Variants in FAM168A observed in about 807,000 individuals in gnomAD.
FAM168A encodes family with sequence similarity 168 member A.
Under a neutral mutation model 28.5 loss-of-function variants are expected in FAM168A, and 3 were observed. The ratio of observed to expected loss-of-function variants is 0.11; its 90% CI spans 0.05 to 0.27. FAM168A has a LOEUF of 0.27. Among genes scored for constraint, FAM168A ranks in the 10% least tolerant of loss-of-function variants. FAM168A has a pLI of 1.00. For missense variants in FAM168A, 222 were observed against 311.5 expected (o/e 0.71, Z 2.16); for synonymous variants, 122 against 124.2 (o/e 0.98, Z 0.12).
At chr11:73,437,185 C>A (rs1867104341) in intron 2 of FAM168A, among the ~76,000 whole-genome samples, 1 of 151,990 alleles carries the variant, frequency 6.6e-6, no homozygotes, top group Admixed American at 6.6e-5. Flanking sequence ...GCAACCTCCG[C>A]CTCCTGGGTT....
intron 2 of FAM168A, among the ~76,000 whole-genome samples, chr11:73,435,447 A>G (rs527916577): frequency 6.6e-6 from 1 of 152,316 alleles, no homozygotes; most frequent in African/African-American, 2.4e-5. Flanking sequence ...TTCCAAGTGG[A>G]ATTATTTTTA....
At chr11:73,560,942 T>C (rs1018537960) in intron 1 of FAM168A, among the ~76,000 whole-genome samples, 13 of 151,824 alleles carry the variant, frequency 8.6e-5, no homozygotes, top group Non-Finnish European at 1.5e-5. Flanking sequence ...ACACCTGTAG[T>C]TGCAGCTACT....
At position 73,436,665 on chromosome 11, in the gene FAM168A, T is replaced by A. The variant is rs561408658; in HGVS notation, c.71-5895A>T. Among the ~76,000 whole-genome samples the A allele has an allele frequency of 7.6e-4, 116 of 152,308 alleles. 1 individual carries two copies. The Middle Eastern group carries it at 0.024, about 31-fold the overall frequency. On this transcript the variant is annotated intron_variant, in intron 2 of 7. Coordinates refer to ENST00000356467, the MANE Select transcript of FAM168A (RefSeq NM_015159.3). ...CTCTACCCAAAGTCAACAAAATATA[T>A]TACTAGTTCCATTTTAGAGAGAGGA...
chr11:73,462,851 A>G (rs769285455), intron 2 of FAM168A, among the ~76,000 whole-genome samples: 8 of 151,270 alleles, frequency 5.3e-5, no homozygotes, highest in Non-Finnish European at 8.8e-5. Flanking sequence ...ATAGAGAGAG[A>G]CTCCAAGTCA....
chr11:73,429,408 T>A (rs72970034), intron 3 of FAM168A, among the ~76,000 whole-genome samples: 2 of 152,330 alleles, frequency 1.3e-5, no homozygotes, highest in Non-Finnish European at 2.9e-5. Context: ...TCTAATTCTA[T>A]AATGATAAGT....
At chr11:73,469,507 T>C (rs1867784029) in intron 1 of FAM168A, among the ~76,000 whole-genome samples, 1 of 152,202 alleles carries the variant, frequency 6.6e-6, no homozygotes, top group Non-Finnish European at 1.5e-5. Context: ...AACTGCTCTG[T>C]GATTAGTCTG....
intron 1 of FAM168A, among the ~76,000 whole-genome samples, chr11:73,477,122 C>T (rs1347815305): frequency 6.6e-6 from 1 of 152,018 alleles, no homozygotes; most frequent in East Asian, 1.9e-4. Context: ...GAACACAAAA[C>T]TAAATACCAC....
intron 1 of FAM168A, among the ~76,000 whole-genome samples, chr11:73,594,980 C>T (rs1283262587): frequency 1.3e-5 from 2 of 152,118 alleles, no homozygotes; most frequent in African/African-American, 4.8e-5. Flanking sequence ...CTCTTCTCAC[C>T]AAGATATCGG....
intron 1 of FAM168A, among the ~76,000 whole-genome samples, chr11:73,478,503 T>C (rs905025021): frequency 4.6e-5 from 7 of 151,994 alleles, no homozygotes; most frequent in Non-Finnish European, 8.8e-5. Context: ...AGAGATTTCT[T>C]TGGTGTGGAA....
intron 1 of FAM168A, among the ~76,000 whole-genome samples, chr11:73,497,618 A>T (rs1336555778): frequency 6.6e-6 from 1 of 152,214 alleles, no homozygotes; most frequent in African/African-American, 2.4e-5. Context: ...CTAGGTCTCT[A>T]GAAGAAAAAG....
chr11:73,564,611 C>T (rs548018310), intron 1 of FAM168A, among the ~76,000 whole-genome samples: 3 of 151,734 alleles, frequency 2.0e-5, no homozygotes, highest in East Asian at 1.9e-4. Context: ...GGCATGGTGT[C>T]GGGCGCCCGT....
At chr11:73,584,770 C>T (rs1184507657) in intron 1 of FAM168A, among the ~76,000 whole-genome samples, 2 of 152,144 alleles carry the variant, frequency 1.3e-5, no homozygotes, top group Admixed American at 6.5e-5. Context: ...AGCCACCATG[C>T]CCAGTCCACT....
chr11:73,491,017 T>C (rs888383822), intron 1 of FAM168A, among the ~76,000 whole-genome samples: 1 of 152,208 alleles, frequency 6.6e-6, no homozygotes, highest in Non-Finnish European at 1.5e-5. Flanking sequence ...ACACAGATTA[T>C]ACATAATGAA....
intron 2 of FAM168A, among the ~76,000 whole-genome samples, chr11:73,436,950 A>G (rs1867097383): frequency 6.6e-6 from 1 of 152,206 alleles, no homozygotes; most frequent in African/African-American, 2.4e-5. Context: ...CTCAGTGGAA[A>G]GGTCATGGTT....
intron 1 of FAM168A, among the ~76,000 whole-genome samples, chr11:73,583,867 T>C (rs755362290): frequency 5.3e-5 from 8 of 152,130 alleles, no homozygotes; most frequent in Non-Finnish European, 8.8e-5. Context: ...AGATACCATA[T>C]TGGGAAACCT....
At chr11:73,510,962 T>G in intron 1 of FAM168A, 1 of 226,546 alleles carries the variant, frequency 4.4e-6, no homozygotes, top group Non-Finnish European at 8.6e-6. Flanking sequence ...TAGGAGGTCA[T>G]GGCTAATCAC....
At chr11:73,509,509 T>C (rs1167619329) in intron 1 of FAM168A, among the ~76,000 whole-genome samples, 2 of 152,100 alleles carry the variant, frequency 1.3e-5, no homozygotes, top group East Asian at 1.9e-4. Context: ...TGCTCAAGAA[T>C]AGTCAAAGCA....
At chr11:73,514,558 T>G (rs1423097805) in intron 1 of FAM168A, among the ~76,000 whole-genome samples, 1 of 152,134 alleles carries the variant, frequency 6.6e-6, no homozygotes, top group Admixed American at 6.5e-5. Context: ...CCCTGTGAGG[T>G]GCAGTGGCTC....
At chr11:73,537,086 G>T (rs1943591913) in intron 1 of FAM168A, among the ~76,000 whole-genome samples, 1 of 152,166 alleles carries the variant, frequency 6.6e-6, no homozygotes, top group Non-Finnish European at 1.5e-5. Flanking sequence ...GAGTTTTAAA[G>T]AAAGAGTAGA....
Sources: allele counts gnomAD v4.1 joint callset (sites outside exome capture counted in the v4.1 genomes callset), GRCh38; gene constraint gnomAD v4.1.1; transcripts MANE v1.5; gene names NCBI Gene and HGNC (gene_info 2026-07-23, HGNC 2026-07-21).